Variants in MARK1 observed in about 807,000 individuals in gnomAD.
MARK1 encodes the protein microtubule affinity regulating kinase 1, also known as serine/threonine-protein kinase MARK1.
A neutral mutation model predicts 96.3 loss-of-function variants in MARK1; 40 were observed. The observed-to-expected ratio is 0.42, with a 90% CI of 0.32 to 0.54. The LOEUF is 0.54. Ranked by LOEUF, MARK1 falls within the 20% of genes least tolerant of loss-of-function variation. The pLI, the probability that MARK1 is intolerant of heterozygous loss-of-function variation, is 0.16. For synonymous variants in MARK1, 317 were observed against 341.2 expected, an observed-to-expected ratio of 0.93 and a Z score of 0.78; for missense variants, 719 against 984.6, an observed-to-expected ratio of 0.73 and a Z score of 3.61.
chr1:220,599,716 G>A, intron 4 of MARK1, 82 bp from the exon 5 acceptor site: 1 of 683,972 alleles, frequency 1.5e-6, no homozygotes, highest in East Asian at 2.8e-5. Context: ...TTTTCTACTA[G>A]TTTAGTGTTA....
chr1:220,622,962 C>T (rs963953713), intron 9 of MARK1, among the ~76,000 whole-genome samples: 4 of 152,172 alleles, frequency 2.6e-5, no homozygotes, highest in South Asian at 2.1e-4. Flanking sequence ...TTCTTTAATT[C>T]GTCTGAATTA....
intron 6 of MARK1, among the ~76,000 whole-genome samples, chr1:220,613,954 T>C (rs777750437): frequency 6.6e-6 from 1 of 152,124 alleles, no homozygotes; most frequent in African/African-American, 2.4e-5. Flanking sequence ...ATTTTTGGTT[T>C]GGTTTGGTTT....
intron 1 of MARK1, among the ~76,000 whole-genome samples, chr1:220,544,299 A>G (rs944421502): frequency 6.6e-6 from 1 of 152,318 alleles, no homozygotes; most frequent in South Asian, 2.1e-4. Flanking sequence ...ACCCAATGCA[A>G]CAGTGGTGGG....
Position 220,618,870 on chromosome 1 carries a change from CT to C in MARK1, c.909+119del. ...AAAATTGCCAAATTATCTAATCTGCCTTTTGTTTGTAGGTAGGGAAAATTAC... is the reference window on the plus strand; with the variant it reads ...AAAATTGCCAAATTATCTAATCTGCCTTTGTTTGTAGGTAGGGAAAATTAC... On this transcript the variant is annotated intron_variant, in intron 9 of 17. Coordinates refer to ENST00000366917, the MANE Select transcript of MARK1 (RefSeq NM_018650.5). The surrounding 1 kb of genome is among the most constrained non-coding windows in gnomAD (Gnocchi z 4.6). 2 of 903,940 alleles carry C rather than the reference CT, an allele frequency of 2.2e-6. No homozygotes were observed. The highest frequency in any genetic ancestry group is 3.2e-6 in the Non-Finnish European group (2 of 626,402). The allele number at this position is 903,940 out of a possible 1,614,324, so 56.0% of individuals were successfully genotyped here.
chr1:220,633,518 A>C (rs556600943), intron 11 of MARK1, among the ~76,000 whole-genome samples: 1 of 152,330 alleles, frequency 6.6e-6, no homozygotes, highest in South Asian at 2.1e-4. Context: ...GAAGGACGAG[A>C]AAGTCTCTGC....
chr1:220,537,226 T>C (rs1043180072), intron 1 of MARK1, among the ~76,000 whole-genome samples: 11 of 140,084 alleles, frequency 7.9e-5, no homozygotes, highest in Non-Finnish European at 1.1e-4. Context: ...CTCCTAATGC[T>C]ATCCCTCCCC....
chr1:220,612,883 A>G (rs141667584), intron 6 of MARK1, among the ~76,000 whole-genome samples: 176 of 152,326 alleles, frequency 1.2e-3, no homozygotes, highest in African/African-American at 4.1e-3. Flanking sequence ...GCCATTGCCC[A>G]TACAATGCTT....
chr1:220,569,474 A>C (rs1663288728), intron 1 of MARK1, among the ~76,000 whole-genome samples: 8 of 152,046 alleles, frequency 5.3e-5, no homozygotes, highest in Admixed American at 5.2e-4. Flanking sequence ...ACACTTGCTG[A>C]ACTGTCGATT....
At chr1:220,574,286 T>C (rs1663682546) in intron 1 of MARK1, among the ~76,000 whole-genome samples, 1 of 152,274 alleles carries the variant, frequency 6.6e-6, no homozygotes, top group Admixed American at 6.5e-5. Context: ...ACCTACTTTA[T>C]TATCTTACAC....
intron 3 of MARK1, among the ~76,000 whole-genome samples, chr1:220,588,311 A>G (rs1427674479): frequency 6.6e-6 from 1 of 152,218 alleles, no homozygotes; most frequent in East Asian, 1.9e-4. Context: ...TTCATAAGAA[A>G]TTATAAGACT....
intron 9 of MARK1, chr1:220,626,893 C>A: frequency 2.0e-6 from 1 of 490,040 alleles, no homozygotes; most frequent in South Asian, 1.7e-5. Context: ...CCTGCCTATG[C>A]TGATGCTGGG....
At chr1:220,537,235 C>T (rs1446037066) in intron 1 of MARK1, among the ~76,000 whole-genome samples, 1 of 104,260 alleles carries the variant, frequency 9.6e-6, no homozygotes, top group African/African-American at 3.8e-5. Flanking sequence ...CTATCCCTCC[C>T]CCCTCCCCCC....
At chr1:220,569,670 T>G (rs114949120) in intron 1 of MARK1, among the ~76,000 whole-genome samples, 2,359 of 152,270 alleles carry the variant, frequency 0.015, 34 homozygotes, top group Middle Eastern at 0.044. Context: ...ACTTCTTCAT[T>G]GATATGAAGT....
chr1:220,590,237 G>A (rs1185259459), intron 3 of MARK1, among the ~76,000 whole-genome samples: 1 of 152,162 alleles, frequency 6.6e-6, no homozygotes, highest in African/African-American at 2.4e-5. Context: ...TTAAGATGTG[G>A]TACTTTTCAA....
intron 6 of MARK1, among the ~76,000 whole-genome samples, chr1:220,606,342 A>C (rs1204094483): frequency 7.0e-6 from 1 of 142,576 alleles, no homozygotes; most frequent in Non-Finnish European, 1.6e-5. Context: ...GTGTCTGTTC[A>C]TATCCTTTGC....
chr1:220,647,673 G>A (rs1322298194), intron 13 of MARK1, among the ~76,000 whole-genome samples: 1 of 152,158 alleles, frequency 6.6e-6, no homozygotes, highest in Non-Finnish European at 1.5e-5. Context: ...ACTGGGTAAA[G>A]AAAATGTGGT....
intron 11 of MARK1, among the ~76,000 whole-genome samples, chr1:220,635,046 G>C (rs1377642548): frequency 1.3e-5 from 2 of 152,082 alleles, no homozygotes. Context: ...ATTAAATAAA[G>C]TGACATATAG....
chr1:220,612,416 T>C (rs1666503026), intron 6 of MARK1, among the ~76,000 whole-genome samples: 1 of 152,212 alleles, frequency 6.6e-6, no homozygotes, highest in African/African-American at 2.4e-5. Context: ...TCATATTCTT[T>C]ACATTGCAGA....
At chr1:220,580,986 CAG>C (rs1245200377) in intron 2 of MARK1, 77 bp from the exon 3 acceptor site, 16 of 528,842 alleles carry the variant, frequency 3.0e-5, no homozygotes, top group African/African-American at 5.8e-5. Context: ...AGGAATGAAA[CAG>C]AAATTGGATT....
Sources: gnomAD v4.1 joint callset for allele counts (sites outside exome capture counted in the v4.1 genomes callset) on GRCh38, gnomAD v4.1.1 for gene constraint, Gnocchi (gnomAD v3.1) non-coding constraint, MANE v1.5 for transcripts, NCBI Gene and HGNC (gene_info 2026-07-23, HGNC 2026-07-21) for gene names.